AAMDC: variants seen among roughly 807,000 people sequenced by gnomAD.
The protein encoded by AAMDC is mth938 domain-containing protein.
AAMDC carries 16 observed loss-of-function variants against 15.5 expected under a neutral mutation model. The observed-to-expected ratio is 1.03, with a 90% confidence interval of 0.70 to 1.57. The LOEUF (loss-of-function observed/expected upper bound fraction) is 1.57. Ranked by LOEUF, AAMDC falls within the 40% of genes most tolerant of loss-of-function variation. The pLI is 0.00. For synonymous variants in AAMDC, 51 were observed against 51.6 expected, an observed-to-expected ratio of 0.99 and a Z score of 0.05; for missense variants, 141 against 144.9, an observed-to-expected ratio of 0.97 and a Z score of 0.14.
At chr11:77,845,351 T>G (rs1950099560) in intron 2 of AAMDC, among the ~76,000 whole-genome samples, 1 of 152,170 alleles carries the variant, frequency 6.6e-6, no homozygotes, top group Non-Finnish European at 1.5e-5. Flanking sequence ...TTTTGTTGAT[T>G]CTTATCTGCT....
At chr11:77,846,057 C>T (rs187459279) in intron 2 of AAMDC, among the ~76,000 whole-genome samples, 19 of 151,800 alleles carry the variant, frequency 1.3e-4, no homozygotes, top group African/African-American at 3.1e-4. Flanking sequence ...GTGGCAACAC[C>T]GGAAATCAAC....
At chr11:77,875,546 A>G (rs1951571633), downstream of AAMDC, among the ~76,000 whole-genome samples, 1 of 152,156 alleles carries the variant, frequency 6.6e-6, no homozygotes, top group South Asian at 2.1e-4. Flanking sequence ...GCCTTCTCCA[A>G]CAGAGAATGT....
rs1317625369 is a variant in AAMDC at position 77,821,183 on chromosome 11, A to G, written c.-77A>G. 2.8e-6 allele frequency: 1 copy of G among 356,364 alleles called. No individual in the cohort carries two copies. The highest frequency in any genetic ancestry group is 5.1e-6 in the Non-Finnish European group (1 of 197,470). The allele number at this position is 356,364 out of a possible 1,614,324, so 22.1% of individuals were successfully genotyped here. A position where few individuals can be genotyped will look rare whatever the true frequency, so the allele number is the denominator to read the frequency against. Reference sequence around the variant, plus strand: ...GATCCCGAAGCAGCGCTGGGAGCGTAAGTGCGGGCAGAGCACTGCGCCGTT... The same window carrying G: ...GATCCCGAAGCAGCGCTGGGAGCGTGAGTGCGGGCAGAGCACTGCGCCGTT... On this transcript the variant is annotated 5_prime_UTR_variant, in exon 1 of 4. Coordinates refer to ENST00000393427, the MANE Select transcript of AAMDC (RefSeq NM_024684.4).
intron 1 of AAMDC, among the ~76,000 whole-genome samples, chr11:77,840,416 C>A (rs1335717455): frequency 6.6e-6 from 1 of 152,108 alleles, no homozygotes; most frequent in Non-Finnish European, 1.5e-5. Context: ...GTAATCCCAG[C>A]TACTTGGGAG....
At chr11:77,894,460 T>C (rs912385940) in intron 5 of AAMDC, 8 of 563,070 alleles carry the variant, frequency 1.4e-5, no homozygotes, top group Non-Finnish European at 2.2e-5. Context: ...TATTATACTA[T>C]AAAAATGATC....
intron 5 of AAMDC, chr11:77,894,361 A>G (rs1023094398): frequency 1.1e-5 from 16 of 1,492,684 alleles, no homozygotes; most frequent in Non-Finnish European, 1.5e-5. Flanking sequence ...TGTAGAAAAG[A>G]AATGTAAAAT....
chr11:77,892,707 C>T (rs544830477), intron 5 of AAMDC, among the ~76,000 whole-genome samples: 142 of 152,148 alleles, frequency 9.3e-4, no homozygotes, highest in African/African-American at 3.3e-3. Context: ...CTCAGCCTCC[C>T]GAGTAGCTGG....
chr11:77,825,545 A>T (rs1417188224), intron 1 of AAMDC, among the ~76,000 whole-genome samples: 1 of 152,174 alleles, frequency 6.6e-6, no homozygotes, highest in Non-Finnish European at 1.5e-5. Context: ...TTTAATAAGA[A>T]GATGTATGAA....
intron 1 of AAMDC, among the ~76,000 whole-genome samples, chr11:77,824,874 A>G (rs1213448833): frequency 1.3e-5 from 2 of 152,194 alleles, no homozygotes; most frequent in East Asian, 3.8e-4. Context: ...GTTTATTCCT[A>G]TATAATCCCA....
intron 2 of AAMDC, among the ~76,000 whole-genome samples, chr11:77,856,465 A>G (rs1950627313): frequency 1.3e-5 from 2 of 152,128 alleles, no homozygotes; most frequent in South Asian, 4.1e-4. Context: ...TAGTATCTTT[A>G]TAGCAATACC....
At chr11:77,826,181 G>A (rs1027226608) in intron 1 of AAMDC, among the ~76,000 whole-genome samples, 4 of 152,066 alleles carry the variant, frequency 2.6e-5, no homozygotes, top group African/African-American at 9.7e-5. Flanking sequence ...GGTCAACATG[G>A]TGAAACTTCG....
intron 5 of AAMDC, among the ~76,000 whole-genome samples, chr11:77,893,043 G>A (rs1300390065): frequency 6.6e-6 from 1 of 152,178 alleles, no homozygotes; most frequent in Non-Finnish European, 1.5e-5. Context: ...AACTTCATGA[G>A]GGCAGGGACA....
At chr11:77,890,143 T>C (rs1330616839) in intron 5 of AAMDC, among the ~76,000 whole-genome samples, 5 of 152,114 alleles carry the variant, frequency 3.3e-5, no homozygotes, top group Non-Finnish European at 7.4e-5. Flanking sequence ...ACCACTAATG[T>C]GGAAAAAAAC....
At chr11:77,857,727 C>T (rs1443221277) in intron 2 of AAMDC, among the ~76,000 whole-genome samples, 5 of 148,064 alleles carry the variant, frequency 3.4e-5, no homozygotes, top group Non-Finnish European at 7.4e-5. Context: ...GATGGAGTCT[C>T]GCTCTGTCAC....
At chr11:77,879,506 G>A (rs1483924584) in intron 5 of AAMDC, among the ~76,000 whole-genome samples, 1 of 152,158 alleles carries the variant, frequency 6.6e-6, no homozygotes, top group African/African-American at 2.4e-5. Context: ...GGCTCTTCCT[G>A]CGCAGTTCCA....
At chr11:77,855,815 A>G (rs1590956967) in intron 2 of AAMDC, among the ~76,000 whole-genome samples, 1 of 140,266 alleles carries the variant, frequency 7.1e-6, no homozygotes, top group African/African-American at 2.7e-5. Context: ...AATTTCTTCC[A>G]CCAGCCAAGT....
At chr11:77,838,648 G>A (rs1191633139) in intron 1 of AAMDC, among the ~76,000 whole-genome samples, 6 of 131,108 alleles carry the variant, frequency 4.6e-5, no homozygotes, top group Admixed American at 1.8e-4. Flanking sequence ...ACAGAGTCTC[G>A]CTCTTTTGCC....
chr11:77,870,088 AC>A (rs1951341681), intron 3 of AAMDC: 1 of 205,036 alleles, frequency 4.9e-6, no homozygotes, highest in African/African-American at 2.3e-5. Flanking sequence ...TTTTAATAAT[AC>A]TTTATATCCT....
At chr11:77,860,177 G>A (rs1950816547) in intron 2 of AAMDC, among the ~76,000 whole-genome samples, 1 of 152,172 alleles carries the variant, frequency 6.6e-6, no homozygotes, top group Non-Finnish European at 1.5e-5. Flanking sequence ...TTAACACTGG[G>A]GCTTGGGTTA....
Sources: allele counts gnomAD v4.1 joint callset (sites outside exome capture counted in the v4.1 genomes callset), GRCh38; gene constraint gnomAD v4.1.1; transcripts MANE v1.5; gene names NCBI Gene and HGNC (gene_info 2026-07-23, HGNC 2026-07-21).